AGAP1: variants seen among roughly 807,000 people sequenced by gnomAD.
AGAP1 encodes the protein ArfGAP with GTPase domain, ankyrin repeat and PH domain 1.
In AGAP1, 29 loss-of-function variants were observed where a neutral mutation model predicts 105.3. That is an observed-to-expected ratio of 0.28 (90% confidence interval 0.21 to 0.38). The LOEUF is 0.38. Among genes scored for constraint, AGAP1 ranks in the 10% least tolerant of loss-of-function variants. AGAP1 has a pLI of 1.00. For missense variants in AGAP1, 998 were observed against 1,165.1 expected (o/e 0.86, Z 2.09); for synonymous variants, 509 against 485.9 (o/e 1.05, Z -0.63).
rs1045379130 is a variant in AGAP1 at position 235,554,315 on chromosome 2, G to A, written c.163+59466G>A. On this transcript the variant is annotated intron_variant, in intron 1 of 17. Coordinates refer to ENST00000304032, the MANE Select transcript of AGAP1 (RefSeq NM_001037131.3). ...TTTGGGTTTCTTATTTGGGAAGTTTGCATGTGACTGGGCCAAGTGACATTT... is the reference window on the plus strand; with the variant it reads ...TTTGGGTTTCTTATTTGGGAAGTTTACATGTGACTGGGCCAAGTGACATTT... Among the ~76,000 whole-genome samples the A allele has an allele frequency of 2.0e-5, 3 of 152,210 alleles. No homozygotes were observed. The South Asian group carries it at 6.2e-4, about 32-fold the overall frequency.
At position 235,700,846 on chromosome 2, in the gene AGAP1, T is replaced by G. The variant is rs1950212572; in HGVS notation, c.164-8333T>G. Among the ~76,000 whole-genome samples the G allele has an allele frequency of 6.7e-6, 1 of 148,318 alleles. No individual in the cohort carries two copies. The highest frequency in any genetic ancestry group is 2.5e-5 in the African/African-American group (1 of 40,714). On this transcript the variant is annotated intron_variant, in intron 1 of 17. Coordinates refer to ENST00000304032, the MANE Select transcript of AGAP1 (RefSeq NM_001037131.3). This position sits in a 1 kb window ranked among gnomAD's most constrained non-coding sequence, Gnocchi z 6.1. ...GTGTATATATAGTATATATTATATA[T>G]GTATATATTGTATACTCTACATAGT... is the stretch of plus-strand genomic sequence containing the variant.
At position 235,572,973 on chromosome 2, in the gene AGAP1, TTTTTTCTTCTTCTTCTTCTTCTTCTTC is replaced by T. The variant is rs1464171833; in HGVS notation, c.163+78127_163+78153del. ...TGTCAGACTCCCCGATTGCTCCATC[TTTTTTCTTCTTCTTCTTCTTCTTCTTC>T]TTCTTCTTCTTCTTCTTCTTCTTCT... On this transcript the variant is annotated intron_variant, in intron 1 of 17. Coordinates refer to ENST00000304032, the MANE Select transcript of AGAP1 (RefSeq NM_001037131.3). Among the ~76,000 whole-genome samples the T allele has an allele frequency of 4.2e-4, 57 of 137,026 alleles. 1 individual carries two copies. Among genetic ancestry groups the T allele is most frequent in the Non-Finnish European group, 5.8e-4 (39 of 66,980 alleles). 89.9% of individuals were successfully genotyped at this position (137,026 alleles called of 152,430 possible). A position where few individuals can be genotyped will look rare whatever the true frequency, so the allele number is the denominator to read the frequency against.
chr2:235,509,242 C>T (rs567267565), intron 1 of AGAP1, among the ~76,000 whole-genome samples: 1 of 151,858 alleles, frequency 6.6e-6, no homozygotes, highest in Admixed American at 6.6e-5. Flanking sequence ...GTTTTTTAAA[C>T]TTGAGATGGA....
At chr2:235,926,424 G>A (rs952221170) in intron 11 of AGAP1, among the ~76,000 whole-genome samples, 6 of 152,218 alleles carry the variant, frequency 3.9e-5, no homozygotes, top group African/African-American at 1.4e-4. Flanking sequence ...AGCTTCCACA[G>A]TGTCGTGGCT....
rs57828945 is a variant in AGAP1, at chr2:235,938,302, C to T, written c.1483+7379C>T. Among the ~76,000 whole-genome samples, 972 of 152,300 alleles carry T rather than the reference C, an allele frequency of 6.4e-3. 9 individuals carry two copies. Among genetic ancestry groups the T allele is most frequent in the African/African-American group, 0.022 (924 of 41,568 alleles). The stretch of plus-strand genomic sequence containing the variant: ...AGTTGGGCCTATCGCAGCAGCAGGT[C>T]GGTGGTCAAGGCTAGATTCAAACAG... On this transcript the variant is annotated intron_variant, in intron 12 of 17. Coordinates refer to ENST00000304032, the MANE Select transcript of AGAP1 (RefSeq NM_001037131.3).
At chr2:235,826,903 A>G (rs575314843) in intron 9 of AGAP1, among the ~76,000 whole-genome samples, 1 of 152,312 alleles carries the variant, frequency 6.6e-6, no homozygotes, top group Non-Finnish European at 1.5e-5. Flanking sequence ...CAATGATTTC[A>G]TATCTCCTTC....
intron 1 of AGAP1, among the ~76,000 whole-genome samples, chr2:235,572,682 G>A (rs62189171): frequency 0.087 from 13,194 of 152,234 alleles, 808 homozygotes; most frequent in Non-Finnish European, 0.13. Flanking sequence ...CATCACCTTG[G>A]CTAGAAGTCA....
At chr2:235,833,806 T>A (rs560710746) in intron 9 of AGAP1, among the ~76,000 whole-genome samples, 1 of 151,868 alleles carries the variant, frequency 6.6e-6, no homozygotes, top group African/African-American at 2.4e-5. Context: ...CTGAAACAAA[T>A]GTTCTATGAA....
In AGAP1 at chr2:235,734,063, G is replaced by A. The variant is rs566441831; in HGVS notation, c.311-6900G>A. Among the ~76,000 whole-genome samples the A allele has an allele frequency of 3.9e-5, 6 of 152,164 alleles. No homozygotes were observed. Among genetic ancestry groups the A allele is most frequent in the East Asian group, 3.9e-4 (2 of 5,176 alleles). On this transcript the variant is annotated intron_variant, in intron 3 of 17. Transcript: ENST00000304032. This position sits in a 1 kb window ranked among gnomAD's most constrained non-coding sequence, Gnocchi z 5.3. The stretch of plus-strand genomic sequence containing the variant: ...AACTTATTTTTTACAAATTTCTGGC[G>A]CATTCATGATTGAAATTTTAAATAT...
chr2:235,814,559 C>T (rs1958341928), intron 9 of AGAP1, among the ~76,000 whole-genome samples: 1 of 152,192 alleles, frequency 6.6e-6, no homozygotes, highest in South Asian at 2.1e-4. Context: ...CTGGAGGAGG[C>T]AGAAAGTGTC....
chr2:236,035,965 A>G lies in AGAP1; in HGVS notation c.1646-596A>G, dbSNP rs1307818235. ...AAGTTCCTCTCTTCCCATTGCAGACATGGCCCCAGAGTAGCTACCAAGTCT... is the reference window on the plus strand; with the variant it reads ...AAGTTCCTCTCTTCCCATTGCAGACGTGGCCCCAGAGTAGCTACCAAGTCT... On this transcript the variant is annotated intron_variant, in intron 13 of 17. Transcript: ENST00000304032. This position sits in a 1 kb window ranked among gnomAD's most constrained non-coding sequence, Gnocchi z 4.2. 2.6e-5 allele frequency among the ~76,000 whole-genome samples: 4 copies of G among 152,004 alleles called. No individual in the cohort carries two copies. Among genetic ancestry groups the G allele is most frequent in the African/African-American group, 9.7e-5 (4 of 41,404 alleles).
intron 13 of AGAP1, among the ~76,000 whole-genome samples, chr2:236,031,671 C>T (rs1042705204): frequency 1.3e-5 from 2 of 152,194 alleles, no homozygotes; most frequent in African/African-American, 2.4e-5. Context: ...CAAGCCCCAT[C>T]TCTGGATAGT....
chr2:236,116,410 C>T (rs559264288), intron 16 of AGAP1, among the ~76,000 whole-genome samples: 68 of 142,538 alleles, frequency 4.8e-4, no homozygotes, highest in Non-Finnish European at 8.7e-4. Context: ...AGTGCAGTGA[C>T]GCAGTCTTGG....
In AGAP1 at chr2:235,720,759, G is replaced by A. The variant is rs1951341759; in HGVS notation, c.310+3115G>A. The A allele has an allele frequency of 3.1e-6, 3 of 967,324 alleles. 1 individual carries two copies. Among genetic ancestry groups the A allele is most frequent in the South Asian group, 4.8e-5 (1 of 20,894 alleles). 59.9% of individuals were successfully genotyped at this position (967,324 alleles called of 1,614,324 possible). ...TAATCCTGACCCGTGGCTGGGATAT[G>A]TAGACTGCTGGGAGGGGTGAGGGTG... On this transcript the variant is annotated intron_variant, in intron 3 of 17. Coordinates refer to ENST00000304032, the MANE Select transcript of AGAP1 (RefSeq NM_001037131.3). This position sits in a 1 kb window ranked among gnomAD's most constrained non-coding sequence, Gnocchi z 5.0.
chr2:236,101,164 C>G lies in AGAP1; in HGVS notation c.2115-19028C>G, dbSNP rs1220790949. ...CTTTGGTTATTCCCCACTCCCATGC[C>G]TGTCCTCTCTTAAAATCTCTGTTGT... On this transcript the variant is annotated intron_variant, in intron 16 of 17. Transcript: ENST00000304032. This position sits in a 1 kb window ranked among gnomAD's most constrained non-coding sequence, Gnocchi z 4.9. Among the ~76,000 whole-genome samples, 1 of 152,138 alleles carries G rather than the reference C, an allele frequency of 6.6e-6. No homozygotes were observed. The highest frequency in any genetic ancestry group is 1.5e-5 in the Non-Finnish European group (1 of 68,034).
chr2:235,694,819 T>C (rs1328383788), intron 1 of AGAP1, among the ~76,000 whole-genome samples: 1 of 151,882 alleles, frequency 6.6e-6, no homozygotes, highest in Non-Finnish European at 1.5e-5. Context: ...GAGTTATGGG[T>C]GATTAGGAAG....
intron 9 of AGAP1, among the ~76,000 whole-genome samples, chr2:235,859,994 C>T (rs1158824405): frequency 6.6e-6 from 1 of 152,210 alleles, no homozygotes; most frequent in African/African-American, 2.4e-5. Context: ...CATGGGTTAC[C>T]TTCCCCTCCC....
In AGAP1 at chr2:235,535,557, G is replaced by T. The variant is rs1168140255; in HGVS notation, c.163+40708G>T. The stretch of plus-strand genomic sequence containing the variant: ...TTATCCTCCCCTCTCTCTGTTCTGC[G>T]CGGCAGGTAGCAAGGAACGGTGGCG... On this transcript the variant is annotated intron_variant, in intron 1 of 17. Coordinates refer to ENST00000304032, the MANE Select transcript of AGAP1 (RefSeq NM_001037131.3). This position sits in a 1 kb window ranked among gnomAD's most constrained non-coding sequence, Gnocchi z 5.1. Among the ~76,000 whole-genome samples, 1 of 151,384 alleles carries T rather than the reference G, an allele frequency of 6.6e-6. No individual in the cohort carries two copies. The highest frequency in any genetic ancestry group is 1.9e-4 in the East Asian group (1 of 5,136).
At chr2:235,857,350 C>T (rs984858202) in intron 9 of AGAP1, among the ~76,000 whole-genome samples, 6 of 152,246 alleles carry the variant, frequency 3.9e-5, no homozygotes, top group South Asian at 4.2e-4. Context: ...CCTCCCTATC[C>T]GTGGAAAAAT....
Sources: allele counts gnomAD v4.1 joint callset (sites outside exome capture counted in the v4.1 genomes callset), GRCh38; gene constraint gnomAD v4.1.1; non-coding constraint Gnocchi (gnomAD v3.1); transcripts MANE v1.5; gene names NCBI Gene and HGNC (gene_info 2026-07-23, HGNC 2026-07-21).